Variants in HPSE2 observed in about 807,000 individuals in gnomAD.
The protein encoded by HPSE2 is inactive heparanase-2.
In HPSE2, 38 loss-of-function variants were observed where a neutral mutation model predicts 60.5. The observed-to-expected ratio is 0.63, with a 90% confidence interval of 0.48 to 0.82. The LOEUF is 0.82. HPSE2 is among the 40% of genes least tolerant of loss of function. The pLI, the probability that HPSE2 is intolerant of heterozygous loss-of-function variation, is 0.00. For missense variants in HPSE2, 713 were observed against 740.4 expected (o/e 0.96, Z 0.43); for synonymous variants, 295 against 293.2 (o/e 1.01, Z -0.06).
chr10:99,071,210 C>T (rs1266024495), intron 3 of HPSE2, among the ~76,000 whole-genome samples: 3 of 151,800 alleles, frequency 2.0e-5, no homozygotes, highest in Non-Finnish European at 2.9e-5. Flanking sequence ...TCTGGGATTA[C>T]AGGCACCCAC....
chr10:99,049,998 C>T (rs536033480), intron 3 of HPSE2, among the ~76,000 whole-genome samples: 1 of 152,192 alleles, frequency 6.6e-6, no homozygotes, highest in South Asian at 2.1e-4. Context: ...AGAACATCAC[C>T]AGTCATTAAG....
intron 5 of HPSE2, among the ~76,000 whole-genome samples, chr10:98,720,892 A>G (rs565978155): frequency 6.6e-6 from 1 of 152,192 alleles, no homozygotes. Context: ...AATGATCACA[A>G]CTATGTAAAA....
At chr10:99,248,538 A>G in the HPSE2 span, among the ~76,000 whole-genome samples, 1 of 152,244 alleles carries the variant, frequency 6.6e-6, no homozygotes, top group Admixed American at 6.5e-5. Flanking sequence ...ACTTATATTT[A>G]AAAGGGAGGT....
intron 3 of HPSE2, among the ~76,000 whole-genome samples, chr10:99,033,260 TGG>T (rs1435641527): frequency 2.0e-5 from 3 of 152,154 alleles, no homozygotes; most frequent in African/African-American, 7.2e-5. Flanking sequence ...TATTTCCTTT[TGG>T]GGGGAGATTA....
intron 3 of HPSE2, among the ~76,000 whole-genome samples, chr10:98,930,102 A>G (rs1276369253): frequency 1.4e-5 from 2 of 143,298 alleles, no homozygotes; most frequent in Non-Finnish European, 3.0e-5. Flanking sequence ...TATTAAGCCC[A>G]GCATGCATCA....
chr10:99,218,602 A>T (rs547085182), intron 2 of HPSE2, among the ~76,000 whole-genome samples: 2 of 152,172 alleles, frequency 1.3e-5, no homozygotes, highest in Non-Finnish European at 2.9e-5. Flanking sequence ...GAAACAAAAG[A>T]CCTCAGTCAT....
chr10:98,487,399 G>T (rs1941481849), intron 10 of HPSE2, among the ~76,000 whole-genome samples: 1 of 152,238 alleles, frequency 6.6e-6, no homozygotes, highest in South Asian at 2.1e-4. Flanking sequence ...CATAGGGGTT[G>T]CATGACTGTC....
intron 3 of HPSE2, among the ~76,000 whole-genome samples, chr10:98,760,173 T>A (rs974375737): frequency 6.6e-6 from 1 of 152,060 alleles, no homozygotes; most frequent in Non-Finnish European, 1.5e-5. Flanking sequence ...TTCTAACAAT[T>A]TTTTAGTGAA....
At chr10:98,861,201 G>C (rs1952451511) in intron 3 of HPSE2, among the ~76,000 whole-genome samples, 2 of 152,178 alleles carry the variant, frequency 1.3e-5, no homozygotes, top group African/African-American at 4.8e-5. Flanking sequence ...CCTGAAGCAA[G>C]CCTTAAGTAT....
intron 3 of HPSE2, among the ~76,000 whole-genome samples, chr10:99,095,591 A>G (rs998733140): frequency 2.0e-5 from 3 of 152,180 alleles, no homozygotes; most frequent in African/African-American, 7.2e-5. Context: ...CTACTAACCT[A>G]CTTTCTGTCT....
intron 3 of HPSE2, among the ~76,000 whole-genome samples, chr10:98,911,638 G>A (rs1252015979): frequency 2.0e-5 from 3 of 152,060 alleles, no homozygotes; most frequent in African/African-American, 4.8e-5. Context: ...ATGAGGTAGG[G>A]GTCCAGCTAT....
At chr10:98,690,788 T>C (rs746393288) in intron 6 of HPSE2, among the ~76,000 whole-genome samples, 2 of 152,196 alleles carry the variant, frequency 1.3e-5, no homozygotes, top group African/African-American at 4.8e-5. Flanking sequence ...TAACTTTTTC[T>C]GGGTTTTCTA....
intron 3 of HPSE2, among the ~76,000 whole-genome samples, chr10:99,100,588 A>C (rs1382434423): frequency 6.6e-6 from 1 of 152,236 alleles, no homozygotes; most frequent in African/African-American, 2.4e-5. Context: ...AGCCAGGAGA[A>C]CTTTCCCAAT....
the HPSE2 span, among the ~76,000 whole-genome samples, chr10:99,259,756 C>T: frequency 3.9e-5 from 6 of 152,184 alleles, no homozygotes; most frequent in Non-Finnish European, 1.5e-5. Context: ...GGGGACCACA[C>T]AGCAGGAGGT....
At chr10:98,543,975 C>T (rs11189660) in intron 9 of HPSE2, among the ~76,000 whole-genome samples, 123,071 of 145,256 alleles carry the variant, frequency 0.85, 53,351 homozygotes, top group East Asian at 1. Flanking sequence ...CTGCACCAAG[C>T]AGACCTAATA....
chr10:98,713,498 C>T (rs189479650), intron 5 of HPSE2, among the ~76,000 whole-genome samples: 8 of 151,808 alleles, frequency 5.3e-5, no homozygotes, highest in East Asian at 1.9e-4. Flanking sequence ...AGTGCATATT[C>T]GAAGTCAATG....
At chr10:98,951,068 T>C (rs557698123) in intron 3 of HPSE2, among the ~76,000 whole-genome samples, 1 of 152,282 alleles carries the variant, frequency 6.6e-6, no homozygotes, top group Admixed American at 6.5e-5. Context: ...CCCTTTCTCA[T>C]ACTACTAGTT....
chr10:98,505,644 C>T (rs11189638), intron 9 of HPSE2, among the ~76,000 whole-genome samples: 10,513 of 152,212 alleles, frequency 0.069, 417 homozygotes, highest in African/African-American at 0.1. Flanking sequence ...TCTTTTTAAA[C>T]TTTTAAAGTT....
intron 9 of HPSE2, among the ~76,000 whole-genome samples, chr10:98,533,409 T>G (rs897751790): frequency 6.6e-6 from 1 of 152,226 alleles, no homozygotes; most frequent in Non-Finnish European, 1.5e-5. Context: ...TGGAACACAG[T>G]GTTTATGTTT....
Sources: allele counts gnomAD v4.1 joint callset (sites outside exome capture counted in the v4.1 genomes callset), GRCh38; gene constraint gnomAD v4.1.1; transcripts MANE v1.5; gene names NCBI Gene and HGNC (gene_info 2026-07-23, HGNC 2026-07-21).